EIF4G3: variants seen among roughly 807,000 people sequenced by gnomAD.
EIF4G3 encodes the protein eIF-4-gamma 3.
In EIF4G3, 34 loss-of-function variants were observed where a neutral mutation model predicts 186.4. That is an observed-to-expected ratio of 0.18 (90% CI 0.14 to 0.24). The LOEUF (loss-of-function observed/expected upper bound fraction) is 0.24, where lower values mean the gene tolerates loss of function less well. EIF4G3 is among the 10% of genes least tolerant of loss of function. EIF4G3 has a pLI of 1.00. For missense variants in EIF4G3, 1,536 were observed against 1,948.5 expected (o/e 0.79, Z 3.99); for synonymous variants, 673 against 679.5 (o/e 0.99, Z 0.15).
intron 20 of EIF4G3, among the ~76,000 whole-genome samples, chr1:20,866,396 T>C (rs1557990862): frequency 6.6e-6 from 1 of 152,198 alleles, no homozygotes; most frequent in Non-Finnish European, 1.5e-5. Flanking sequence ...TAATCAACCA[T>C]GTGTTACACT....
intron 3 of EIF4G3, 137 bp downstream of exon 3, chr1:21,089,001 A>T: frequency 1.6e-6 from 1 of 612,666 alleles, no homozygotes; most frequent in Non-Finnish European, 2.9e-6. Context: ...GAAAGGGCCT[A>T]TCATTCTATT....
In EIF4G3 at chr1:20,914,430, G is replaced by T. The variant is rs2093636354; in HGVS notation, c.1664-9459C>A. 3.9e-5 allele frequency among the ~76,000 whole-genome samples: 6 copies of T among 152,042 alleles called. No homozygotes were observed. In the South Asian group the frequency reaches 1.2e-3, roughly 32 times the overall value. On this transcript the variant is annotated intron_variant, in intron 14 of 36. Coordinates refer to ENST00000602326, the MANE Select transcript of EIF4G3 (RefSeq NM_001391906.1). ...TGTGTTGCTGGCTTTGAAGATGGAG[G>T]AAGGGGACACAGCCAAAGAATGTAA... is the stretch of plus-strand genomic sequence containing the variant.
chr1:20,940,482 G>C (rs534444673), intron 14 of EIF4G3, among the ~76,000 whole-genome samples: 2 of 152,204 alleles, frequency 1.3e-5, no homozygotes, highest in African/African-American at 4.8e-5. Context: ...CAAAAGTAGG[G>C]ATCAGCTTTT....
At chr1:21,101,180 A>G (rs1029676330) in intron 2 of EIF4G3, among the ~76,000 whole-genome samples, 4 of 152,128 alleles carry the variant, frequency 2.6e-5, no homozygotes, top group African/African-American at 9.6e-5. Context: ...GTTAACTATC[A>G]ATGAAAAACA....
intron 5 of EIF4G3, 61 bp downstream of exon 5, chr1:21,002,652 G>T: frequency 6.5e-7 from 1 of 1,529,280 alleles, no homozygotes; most frequent in Non-Finnish European, 8.8e-7. Flanking sequence ...AGAAACCCAA[G>T]CCACTACACA....
intron 14 of EIF4G3, among the ~76,000 whole-genome samples, chr1:20,940,194 G>A (rs2095664470): frequency 6.6e-6 from 1 of 152,114 alleles, no homozygotes; most frequent in Non-Finnish European, 1.5e-5. Flanking sequence ...ACAAAACAAG[G>A]TCTAAGGTCA....
chr1:20,869,942 T>C (rs1325329931), intron 20 of EIF4G3, among the ~76,000 whole-genome samples: 2 of 152,180 alleles, frequency 1.3e-5, no homozygotes, highest in Non-Finnish European at 2.9e-5. Flanking sequence ...TACATAATAC[T>C]CTGCATACTA....
At chr1:21,108,710 T>A (rs533141760) in intron 2 of EIF4G3, among the ~76,000 whole-genome samples, 1 of 149,918 alleles carries the variant, frequency 6.7e-6, no homozygotes, top group East Asian at 2.0e-4. Flanking sequence ...TCGAGACCAG[T>A]CTGGCCAACA....
intron 10 of EIF4G3, among the ~76,000 whole-genome samples, chr1:20,976,819 C>G (rs1344148222): frequency 6.6e-6 from 1 of 152,146 alleles, no homozygotes; most frequent in Non-Finnish European, 1.5e-5. Flanking sequence ...AGGCAGAATG[C>G]CTGAGCTCAG....
At position 20,849,515 on chromosome 1, in the gene EIF4G3, G is replaced by A; in HGVS notation, c.3788C>T (p.Ser1263Leu). The change falls in exon 29 of 37, where the codon TCA becomes TTA. Residue 1263 changes from serine (S) to leucine (L), a missense_variant. Ser to Leu is a moderately radical substitution (Grantham distance 145). Transcript: ENST00000602326. ...KTRESAKPEI[S>L]AMSAHDKAAL... ...AGCCTTGTCATGAGCTGACATTGCT[G>A]AAATTTCTGGTTTTGCTATTAGTGA... 1 of 1,531,532 alleles carries A rather than the reference G, an allele frequency of 6.5e-7. No individual in the cohort carries two copies. Among genetic ancestry groups the A allele is most frequent in the East Asian group, 2.4e-5 (1 of 41,500 alleles). 94.9% of individuals were successfully genotyped at this position (1,531,532 alleles called of 1,614,324 possible). A position where few individuals can be genotyped will look rare whatever the true frequency, so the allele number is the denominator to read the frequency against.
chr1:20,898,295 G>C (rs1052288569), intron 16 of EIF4G3, among the ~76,000 whole-genome samples: 1 of 152,006 alleles, frequency 6.6e-6, no homozygotes, highest in African/African-American at 2.4e-5. Flanking sequence ...TTTGAAAGCA[G>C]CCTGGGCAAC....
intron 2 of EIF4G3, among the ~76,000 whole-genome samples, chr1:21,125,609 C>CT (rs1429873811): frequency 6.6e-6 from 1 of 151,958 alleles, no homozygotes; most frequent in African/African-American, 2.4e-5. Flanking sequence ...ATCCCAGCTA[C>CT]TTGGGAGGCT....
At chr1:20,884,805 CTTATTTACTGAACAA>C (rs1205467657) in intron 19 of EIF4G3, among the ~76,000 whole-genome samples, 1 of 152,140 alleles carries the variant, frequency 6.6e-6, no homozygotes, top group Non-Finnish European at 1.5e-5. Context: ...TGTGGGTTCG[CTTATTTACTGAACAA>C]TTATTTACTG....
chr1:20,869,240 T>C (rs886614028), intron 20 of EIF4G3, among the ~76,000 whole-genome samples: 2 of 152,040 alleles, frequency 1.3e-5, no homozygotes, highest in African/African-American at 4.8e-5. Context: ...AATAGGATAA[T>C]GTAAGCAAAT....
chr1:20,936,151 A>G (rs1165765135), intron 14 of EIF4G3, among the ~76,000 whole-genome samples: 5 of 152,206 alleles, frequency 3.3e-5, no homozygotes, highest in Non-Finnish European at 7.4e-5. Context: ...TGCAGTATAT[A>G]AAAGAATTTG....
In EIF4G3 at chr1:20,904,855, T is replaced by G. The variant is rs202021199; in HGVS notation, c.1752+28A>C. 1.1e-5 allele frequency: 18 copies of G among 1,580,050 alleles called. No individual in the cohort carries two copies. The East Asian group carries it at 4.0e-4, about 35-fold the overall frequency. ...TGTCTATGAAATGGCACCACTGCTC[T>G]GAATATGAACTTAAGAGATTTGCTT... is the stretch of plus-strand genomic sequence containing the variant. On this transcript the variant is annotated intron_variant, in intron 15 of 36. Coordinates refer to ENST00000602326, the MANE Select transcript of EIF4G3 (RefSeq NM_001391906.1).
intron 2 of EIF4G3, among the ~76,000 whole-genome samples, chr1:21,112,734 TAAAGG>T (rs2096747539): frequency 6.6e-6 from 1 of 152,154 alleles, no homozygotes; most frequent in Non-Finnish European, 1.5e-5. Context: ...ATAAAACGCC[TAAAGG>T]AAAGCATGTT....
Position 20,817,270 on chromosome 1 carries a change from A to T in EIF4G3, c.4515+122T>A, listed in dbSNP as rs530493840. On this transcript the variant is annotated intron_variant, in intron 34 of 36. Coordinates refer to ENST00000602326, the MANE Select transcript of EIF4G3 (RefSeq NM_001391906.1). The stretch of plus-strand genomic sequence containing the variant: ...AAAAAAAATAAATAAATAAAAAAAT[A>T]AATAAATAAAAAAAAATAAAAATAA... 1.0e-4 allele frequency: 34 copies of T among 324,486 alleles called. No homozygotes were observed. In the East Asian group the frequency reaches 2.1e-3, roughly 20 times the overall value. The allele number at this position is 324,486 out of a possible 1,614,324, so 20.1% of individuals were successfully genotyped here. A position where few individuals can be genotyped will look rare whatever the true frequency, so the allele number is the denominator to read the frequency against.
At chr1:21,121,330 C>T (rs1209583344) in intron 2 of EIF4G3, among the ~76,000 whole-genome samples, 1 of 152,066 alleles carries the variant, frequency 6.6e-6, no homozygotes, top group Non-Finnish European at 1.5e-5. Context: ...ATTTCAAACA[C>T]AAAATTACTC....
Sources: allele counts gnomAD v4.1 joint callset (sites outside exome capture counted in the v4.1 genomes callset), GRCh38; gene constraint gnomAD v4.1.1; transcripts MANE v1.5; gene names NCBI Gene and HGNC (gene_info 2026-07-23, HGNC 2026-07-21).